The following TAF4B variants were observed in gnomAD, a reference collection of about 807,000 sequenced individuals.
TAF4B encodes transcription initiation factor TFIID subunit 4B.
In TAF4B, 38 loss-of-function variants were observed where a neutral mutation model predicts 86.4. That is an observed-to-expected ratio of 0.44 (90% CI 0.34 to 0.58). TAF4B has a LOEUF of 0.58. TAF4B is among the 20% of genes least tolerant of loss of function. The probability of loss-of-function intolerance (pLI) is 0.02; values close to 1 mark genes in which losing one functional copy is unlikely to be tolerated. For missense variants in TAF4B, 988 were observed against 1,027.6 expected (o/e 0.96, Z 0.53); for synonymous variants, 388 against 391.2 (o/e 0.99, Z 0.10).
At chr18:26,257,850 T>C (rs943171337) in intron 1 of TAF4B, among the ~76,000 whole-genome samples, 10 of 65,990 alleles carry the variant, frequency 1.5e-4, no homozygotes, top group African/African-American at 8.9e-4. Flanking sequence ...TGCGTGTGTG[T>C]GTGTGTGTGT....
At chr18:26,273,718 A>T (rs2056348682) in intron 3 of TAF4B, among the ~76,000 whole-genome samples, 2 of 152,172 alleles carry the variant, frequency 1.3e-5, no homozygotes, top group Non-Finnish European at 2.9e-5. Flanking sequence ...TTACCCTCAG[A>T]ACATTCTTGT....
rs536863843 is a variant in TAF4B, at chr18:26,231,034, C to CTTTTT, written c.343+3779_343+3783dup. Among the ~76,000 whole-genome samples the CTTTTT allele has an allele frequency of 8.4e-3, 556 of 66,114 alleles. 4 individuals are homozygous for CTTTTT. The highest frequency in any genetic ancestry group is 0.015 in the African/African-American group (259 of 17,288). The allele number at this position is 66,114 out of a possible 152,430, so 43.4% of individuals were successfully genotyped here. A position where few individuals can be genotyped will look rare whatever the true frequency, so the allele number is the denominator to read the frequency against. On this transcript the variant is annotated intron_variant, in intron 1 of 14. Coordinates refer to ENST00000269142, the MANE Select transcript of TAF4B (RefSeq NM_005640.3). Reference sequence around the variant, plus strand: ...GACAAACTTGTGGTGTGTTGTTTTGCTTTTTTTTTTTTTTTTTTTTTTTTT... The same window carrying CTTTTT: ...GACAAACTTGTGGTGTGTTGTTTTGCTTTTTTTTTTTTTTTTTTTTTTTTTTTTTT...
intron 13 of TAF4B, among the ~76,000 whole-genome samples, chr18:26,346,835 ATGTG>A (rs763951048): frequency 0.074 from 1,275 of 17,220 alleles, 167 homozygotes; most frequent in African/African-American, 0.13. Context: ...ATATATATAT[ATGTG>A]TGTGTGTATA....
intron 1 of TAF4B, among the ~76,000 whole-genome samples, chr18:26,259,249 G>A (rs2056129310): frequency 6.8e-6 from 1 of 147,756 alleles, no homozygotes; most frequent in Admixed American, 6.7e-5. Flanking sequence ...TGTCTTTAAT[G>A]GTGTTCCATG....
chr18:26,227,961 T>C (rs1189505071), intron 1 of TAF4B, among the ~76,000 whole-genome samples: 1 of 152,224 alleles, frequency 6.6e-6, no homozygotes, highest in Non-Finnish European at 1.5e-5. Flanking sequence ...AACTTTCAAT[T>C]AGCAGAACCC....
intron 5 of TAF4B, among the ~76,000 whole-genome samples, chr18:26,278,875 T>A (rs1295387760): frequency 6.6e-6 from 1 of 152,150 alleles, no homozygotes; most frequent in Non-Finnish European, 1.5e-5. Context: ...ACTGCTGTTA[T>A]GGATTTACAA....
chr18:26,259,569 T>C lies in TAF4B; in HGVS notation c.344-5601T>C, dbSNP rs555994199. Among the ~76,000 whole-genome samples, 86 of 152,282 alleles carry C rather than the reference T, an allele frequency of 5.6e-4. 1 individual carries two copies. Among genetic ancestry groups the C allele is most frequent in the Non-Finnish European group, 5.9e-5 (4 of 68,024 alleles). The stretch of plus-strand genomic sequence containing the variant: ...TGTCCTTACAATAGTTTGCTGAGAA[T>C]GATGGTTTCCAGCTTCATCCATGTC... On this transcript the variant is annotated intron_variant, in intron 1 of 14. Coordinates refer to ENST00000269142, the MANE Select transcript of TAF4B (RefSeq NM_005640.3).
intron 13 of TAF4B, among the ~76,000 whole-genome samples, chr18:26,346,895 ATATATGTGTGTG>A (rs1174953033): frequency 0.066 from 652 of 9,822 alleles, 118 homozygotes; most frequent in Non-Finnish European, 0.13. Flanking sequence ...ATATATATAT[ATATATGTGTGTG>A]TATATATATA....
At chr18:26,319,670 A>G (rs771133221) in intron 10 of TAF4B, among the ~76,000 whole-genome samples, 10 of 151,940 alleles carry the variant, frequency 6.6e-5, no homozygotes, top group Non-Finnish European at 1.0e-4. Context: ...GCGCACTGCA[A>G]TTTCCGCCTC....
At chr18:26,274,209 A>G (rs2056355047) in intron 3 of TAF4B, among the ~76,000 whole-genome samples, 1 of 152,224 alleles carries the variant, frequency 6.6e-6, no homozygotes, top group African/African-American at 2.4e-5. Flanking sequence ...CAGTTTATCT[A>G]AATTTTAGAT....
At chr18:26,252,986 A>G (rs1326295267) in intron 1 of TAF4B, among the ~76,000 whole-genome samples, 3 of 152,256 alleles carry the variant, frequency 2.0e-5, no homozygotes, top group Admixed American at 1.3e-4. Context: ...GTGGAACCTT[A>G]TGAGATCATG....
intron 13 of TAF4B, 82 bp downstream of exon 13, chr18:26,335,313 A>G: frequency 7.9e-7 from 1 of 1,258,852 alleles, no homozygotes; most frequent in East Asian, 2.3e-5. Flanking sequence ...GTCAGGGTTT[A>G]TTTTGCTGTT....
At position 26,368,149 on chromosome 18, in the gene TAF4B, G is replaced by C. The variant is rs144733344; in HGVS notation, c.2421+10355G>C. On this transcript the variant is annotated intron_variant, in intron 14 of 14. Coordinates refer to ENST00000269142, the MANE Select transcript of TAF4B (RefSeq NM_005640.3). ...TTATTTAAGTATTAAAATCATTTAG[G>C]GATAGTTTTTTTTATAACTTAGAAA... Among the ~76,000 whole-genome samples the C allele has an allele frequency of 4.7e-3, 713 of 152,064 alleles. 5 individuals carry two copies. Among genetic ancestry groups the C allele is most frequent in the African/African-American group, 0.016 (679 of 41,488 alleles).
Position 26,285,938 on chromosome 18 carries a change from A to G in TAF4B, c.1029A>G (p.Gln343=), listed in dbSNP as rs766028938. 6 of 1,614,130 alleles carry G rather than the reference A, an allele frequency of 3.7e-6. No individual in the cohort carries two copies. The highest frequency in any genetic ancestry group is 4.5e-5 in the East Asian group (2 of 44,890). ...LLPNSQSFIQ[Q]CVQQTSSDMV... ...CTAACTCCCAGAGCTTCATCCAGCA[A>G]TGTGTTCAGCAGACTTCTAGTGACA... Residue 343 remains glutamine, a synonymous_variant, in exon 7 of 15, where the codon CAA becomes CAG. Coordinates refer to ENST00000269142, the MANE Select transcript of TAF4B (RefSeq NM_005640.3).
chr18:26,378,497 A>T (rs888553687), intron 14 of TAF4B, among the ~76,000 whole-genome samples: 7 of 152,304 alleles, frequency 4.6e-5, no homozygotes, highest in Middle Eastern at 3.4e-3. Context: ...CATAAGAAAG[A>T]GTAACCATGT....
Position 26,267,540 on chromosome 18 carries a change from A to C in TAF4B, c.514A>C (p.Lys172Gln), listed in dbSNP as rs2056256910. The C allele has an allele frequency of 6.2e-7, 1 of 1,614,014 alleles. No individual in the cohort carries two copies. The highest frequency in any genetic ancestry group is 8.5e-7 in the Non-Finnish European group (1 of 1,179,978). ...GAACTCTAGCTCACAATTAATCAAG[A>C]AAGTGGCAGTGACACCTGTTAAAAA... ...VPNSSSQLIK[K>Q]VAVTPVKKLA... Residue 172 changes from lysine (K) to glutamine (Q), a missense_variant, in exon 3 of 15, where the codon AAA (lysine) becomes CAA (glutamine). Transcript: ENST00000269142.
chr18:26,255,980 G>A (rs2056078324), intron 1 of TAF4B: 2 of 1,318,388 alleles, frequency 1.5e-6, no homozygotes, highest in Admixed American at 1.7e-5. Flanking sequence ...GGAGGCACTG[G>A]AGGTGGTACT....
intron 13 of TAF4B, among the ~76,000 whole-genome samples, chr18:26,352,898 T>A (rs1011380745): frequency 2.0e-5 from 3 of 152,126 alleles, no homozygotes; most frequent in Admixed American, 2.0e-4. Context: ...CTAATCTTTA[T>A]TTTTTTAGTT....
chr18:26,231,542 G>T (rs1366475847), intron 1 of TAF4B, among the ~76,000 whole-genome samples: 1 of 151,702 alleles, frequency 6.6e-6, no homozygotes, highest in African/African-American at 2.4e-5. Flanking sequence ...AGTAAAGACA[G>T]GGTTTTGCTA....
Sources: allele counts gnomAD v4.1 joint callset (sites outside exome capture counted in the v4.1 genomes callset), GRCh38; gene constraint gnomAD v4.1.1; transcripts MANE v1.5; gene names NCBI Gene and HGNC (gene_info 2026-07-23, HGNC 2026-07-21).